The following ARSG variants were observed in gnomAD, a reference collection of about 807,000 sequenced individuals.
ARSG encodes arylsulfatase G.
A neutral mutation model predicts 50.5 loss-of-function variants in ARSG; 37 were observed. The ratio of observed to expected loss-of-function variants is 0.73; its 90% confidence interval spans 0.56 to 0.96. ARSG has a LOEUF of 0.96. ARSG is among the 50% of genes least tolerant of loss of function. The probability of loss-of-function intolerance (pLI) is 0.00; values close to 1 mark genes in which losing one functional copy is unlikely to be tolerated. For synonymous variants in ARSG, 225 were observed against 254.6 expected (o/e 0.88, Z 1.11); for missense variants, 629 against 675.3 (o/e 0.93, Z 0.76).
intron 6 of ARSG, among the ~76,000 whole-genome samples, chr17:68,365,032 G>A (rs989027006): frequency 2.0e-5 from 3 of 152,070 alleles, no homozygotes; most frequent in African/African-American, 7.2e-5. Context: ...GGAAGCGGTC[G>A]GGCGCAGTGG....
intron 2 of ARSG, among the ~76,000 whole-genome samples, chr17:68,320,712 A>C (rs1320077260): frequency 3.3e-5 from 5 of 152,116 alleles, no homozygotes; most frequent in African/African-American, 1.2e-4. Flanking sequence ...ATCCACCTAC[A>C]TTTGAGAATT....
chr17:68,396,563 G>A (rs1253169737), intron 10 of ARSG, among the ~76,000 whole-genome samples: 1 of 152,172 alleles, frequency 6.6e-6, no homozygotes, highest in Non-Finnish European at 1.5e-5. Flanking sequence ...CCCTACAAAT[G>A]CATGGCTTCT....
intron 1 of ARSG, among the ~76,000 whole-genome samples, chr17:68,269,673 GTTTT>G (rs782421181): frequency 1.3e-5 from 1 of 77,912 alleles, no homozygotes; most frequent in Admixed American, 1.7e-4. Context: ...TTCACTTTAG[GTTTT>G]TTTTTTTTTT....
intron 1 of ARSG, among the ~76,000 whole-genome samples, chr17:68,302,968 C>T (rs2076474620): frequency 6.6e-6 from 1 of 152,100 alleles, no homozygotes; most frequent in Non-Finnish European, 1.5e-5. Flanking sequence ...GTGCTCCTTC[C>T]CTGTGTCTAC....
intron 2 of ARSG, among the ~76,000 whole-genome samples, chr17:68,331,241 C>CTTTCTTTG (rs2077749685): frequency 4.8e-5 from 4 of 82,608 alleles, no homozygotes; most frequent in East Asian, 6.4e-4. Context: ...TTGTTTCTTT[C>CTTTCTTTG]TTTCTTTCTT....
chr17:68,308,446 A>C (rs1346525384), intron 2 of ARSG, among the ~76,000 whole-genome samples: 3 of 151,216 alleles, frequency 2.0e-5, no homozygotes, highest in African/African-American at 4.9e-5. Context: ...GTGCGTCTGG[A>C]GTTGTTCGTT....
At chr17:68,282,020 T>C (rs2145115655) in intron 1 of ARSG, among the ~76,000 whole-genome samples, 1 of 152,350 alleles carries the variant, frequency 6.6e-6, no homozygotes, top group Non-Finnish European at 1.5e-5. Flanking sequence ...CAAAGGATTA[T>C]AAATCATGCT....
intron 2 of ARSG, among the ~76,000 whole-genome samples, chr17:68,315,420 C>T (rs1041790112): frequency 7.9e-5 from 12 of 151,832 alleles, no homozygotes; most frequent in African/African-American, 1.7e-4. Flanking sequence ...CTACCTACTC[C>T]GGAGGCGGAG....
chr17:68,273,999 T>C, intron 1 of ARSG: 2 of 1,614,164 alleles, frequency 1.2e-6, no homozygotes, highest in African/African-American at 2.7e-5. Context: ...ATCCCGGTGC[T>C]GACAAGTAGC....
At chr17:68,331,508 TG>T (rs2077768742) in intron 2 of ARSG, among the ~76,000 whole-genome samples, 1 of 152,056 alleles carries the variant, frequency 6.6e-6, no homozygotes, top group Non-Finnish European at 1.5e-5. Context: ...CCTCCCAAAG[TG>T]CTGGGATTAC....
chr17:68,354,595 C>A (rs1345463074), intron 5 of ARSG, among the ~76,000 whole-genome samples: 1 of 151,186 alleles, frequency 6.6e-6, no homozygotes, highest in East Asian at 2.0e-4. Flanking sequence ...GGTGATAATT[C>A]TTTTTCTCTT....
chr17:68,381,729 C>A lies in ARSG; in HGVS notation c.983-3335C>A, dbSNP rs34561161. Reference sequence around the variant, plus strand: ...CCTTCCCTGGGAATGAGTGCTCTCCCCACTAAATCCCCAGGAGGGTTTTAG... The same window carrying A: ...CCTTCCCTGGGAATGAGTGCTCTCCACACTAAATCCCCAGGAGGGTTTTAG... On this transcript the variant is annotated intron_variant, in intron 8 of 11. Transcript: ENST00000621439. The surrounding 1 kb of genome is among the most constrained non-coding windows in gnomAD (Gnocchi z 4.1). Among the ~76,000 whole-genome samples, 14,784 of 152,202 alleles carry A rather than the reference C, an allele frequency of 0.097. 835 individuals are homozygous for A. Among genetic ancestry groups the A allele is most frequent in the Admixed American group, 0.17 (2,593 of 15,290 alleles).
chr17:68,278,208 G>A, intron 1 of ARSG: 1 of 1,614,122 alleles, frequency 6.2e-7, no homozygotes, highest in Non-Finnish European at 8.5e-7. Flanking sequence ...GATGCCGTAG[G>A]TGAAGACTTC....
chr17:68,437,430 C>G, the ARSG span, among the ~76,000 whole-genome samples: 2 of 152,088 alleles, frequency 1.3e-5, no homozygotes, highest in East Asian at 3.9e-4. Flanking sequence ...TTGCATGTGC[C>G]TGTAGTCCCA....
intron 11 of ARSG, 109 bp from the exon 12 acceptor site, chr17:68,420,080 T>G (rs530943166): frequency 7.9e-7 from 1 of 1,271,162 alleles, no homozygotes; most frequent in South Asian, 1.4e-5. Context: ...TTGGAACATT[T>G]GGTTATCTGG....
At chr17:68,390,783 CT>C (rs1659576410) in intron 9 of ARSG, among the ~76,000 whole-genome samples, 1 of 152,084 alleles carries the variant, frequency 6.6e-6, no homozygotes, top group African/African-American at 2.4e-5. Flanking sequence ...GCCACCATGC[CT>C]GGCTAATTTG....
chr17:68,346,608 G>T (rs1298518390), intron 3 of ARSG: 9 of 626,468 alleles, frequency 1.4e-5, no homozygotes, highest in Admixed American at 3.8e-5. Context: ...GAGCAGCAGG[G>T]TGTCTGAGTT....
At chr17:68,351,215 A>C (rs1443551239) in intron 4 of ARSG, among the ~76,000 whole-genome samples, 7 of 151,812 alleles carry the variant, frequency 4.6e-5, no homozygotes, top group Non-Finnish European at 7.4e-5. Flanking sequence ...GCAGCTAAGA[A>C]CAACTGTTTT....
rs750869919 is a variant in ARSG, at chr17:68,401,473, C to G, written c.1303+23C>G. The G allele has an allele frequency of 3.1e-6, 5 of 1,607,812 alleles. No individual in the cohort carries two copies. The African/African-American group carries it at 6.7e-5, about 21-fold the overall frequency. ...CCGGTGAGTGAGGGGCCACTTAGCC[C>G]TGCCTCCCACAGTCACAGCTGCACG... On this transcript the variant is annotated intron_variant, in intron 11 of 11. Transcript: ENST00000621439.
Sources: allele counts gnomAD v4.1 joint callset (sites outside exome capture counted in the v4.1 genomes callset), GRCh38; gene constraint gnomAD v4.1.1; non-coding constraint Gnocchi (gnomAD v3.1); transcripts MANE v1.5; gene names NCBI Gene and HGNC (gene_info 2026-07-23, HGNC 2026-07-21).